CHD8: variants seen among roughly 807,000 people sequenced by gnomAD.
CHD8 encodes the protein chromodomain helicase DNA binding protein 8.
Under a neutral mutation model 279.2 loss-of-function variants are expected in CHD8, and 31 were observed. That is an observed-to-expected ratio of 0.11 (90% CI 0.08 to 0.15). The LOEUF is 0.15. CHD8 is among the 10% of genes least tolerant of loss of function. CHD8 has a pLI of 1.00. For synonymous variants in CHD8, 1,081 were observed against 1,139.6 expected, an observed-to-expected ratio of 0.95 and a Z score of 1.04; for missense variants, 2,146 against 3,230.5, an observed-to-expected ratio of 0.66 and a Z score of 8.14.
At chr14:21,436,714 G>C (rs1207952055) in intron 1 of CHD8, among the ~76,000 whole-genome samples, 1 of 152,184 alleles carries the variant, frequency 6.6e-6, no homozygotes, top group Non-Finnish European at 1.5e-5. Flanking sequence ...GTAAGACCTT[G>C]TGAATAAATC....
At chr14:21,414,166 A>T (rs1015834620) in intron 9 of CHD8, 135 bp downstream of exon 9, 1 of 607,974 alleles carries the variant, frequency 1.6e-6, no homozygotes, top group Non-Finnish European at 2.9e-6. Context: ...AAGGGAAGTC[A>T]ATGACCAAAA....
intron 1 of CHD8, among the ~76,000 whole-genome samples, chr14:21,433,167 C>T (rs568608384): frequency 1.3e-5 from 2 of 152,292 alleles, no homozygotes; most frequent in South Asian, 4.1e-4. Context: ...TACTTGCTCG[C>T]ATTATCTGGA....
chr14:21,410,061 G>T, intron 10 of CHD8, 73 bp from the exon 11 acceptor site: 2 of 1,425,768 alleles, frequency 1.4e-6, no homozygotes, highest in South Asian at 2.9e-5. Context: ...ATAAAAATTT[G>T]ATTGTAAAAT....
chr14:21,455,028 A>G (rs1175547432), intron 1 of CHD8: 2 of 152,252 alleles, frequency 1.3e-5, no homozygotes, highest in Non-Finnish European at 2.9e-5. Flanking sequence ...TGAGTCGACA[A>G]ACTCAGAAAA....
In CHD8 at chr14:21,430,942, A is replaced by G; in HGVS notation, c.702T>C (p.Ala234=). The change falls in exon 2 of 38, where the codon GCT becomes GCC. Residue 234 remains alanine (A), a synonymous_variant. Transcript: ENST00000646647. ...LAAKVPGNQA[A]VQRIVQPSRP... ...GGCTGGGCTGGACAATGCGCTGAAC[A>G]GCAGCCTGGTTCCCAGGGACCTTGG... The G allele has an allele frequency of 6.3e-7, 1 of 1,599,588 alleles. No individual in the cohort carries two copies. The highest frequency in any genetic ancestry group is 2.2e-5 in the East Asian group (1 of 44,884).
chr14:21,410,353 A>T (rs1888436025), intron 10 of CHD8, among the ~76,000 whole-genome samples: 1 of 152,190 alleles, frequency 6.6e-6, no homozygotes, highest in African/African-American at 2.4e-5. Context: ...CCTGGAGCCA[A>T]ATTTGACACA....
chr14:21,417,426 A>C (rs554481350), intron 5 of CHD8, among the ~76,000 whole-genome samples: 1 of 152,286 alleles, frequency 6.6e-6, no homozygotes, highest in East Asian at 1.9e-4. Context: ...CTACTAAAAA[A>C]GAGTGCAGGC....
chr14:21,395,608 A>G (rs1887747853), intron 28 of CHD8: 1 of 592,386 alleles, frequency 1.7e-6, no homozygotes, highest in Non-Finnish European at 3.0e-6. Context: ...AATATCTTTC[A>G]GTGTCCAGCT....
At chr14:21,449,540 T>C (rs1391483209) in intron 1 of CHD8, among the ~76,000 whole-genome samples, 1 of 152,200 alleles carries the variant, frequency 6.6e-6, no homozygotes, top group East Asian at 1.9e-4. Context: ...ACAATTAGAA[T>C]GGCAGGACTG....
Position 21,405,929 on chromosome 14 carries a change from A to C in CHD8, c.2908-65T>G. 1 of 1,319,378 alleles carries C rather than the reference A, an allele frequency of 7.6e-7. No homozygotes were observed. The highest frequency in any genetic ancestry group is 1.1e-6 in the Non-Finnish European group (1 of 951,272). 81.7% of individuals were successfully genotyped at this position (1,319,378 alleles called of 1,614,324 possible). A position where few individuals can be genotyped will look rare whatever the true frequency, so the allele number is the denominator to read the frequency against. ...TGAAGGACTTCTGGGGTTTCCTATC[A>C]AGTATATAATCTTTAACATATATAA... On this transcript the variant is annotated intron_variant, in intron 14 of 37. Transcript: ENST00000646647. The surrounding 1 kb of genome is among the most constrained non-coding windows in gnomAD (Gnocchi z 4.2).
At chr14:21,415,550 A>C in intron 7 of CHD8, 24 bp downstream of exon 7, 2 of 1,171,818 alleles carry the variant, frequency 1.7e-6, no homozygotes, top group Admixed American at 3.0e-5. Flanking sequence ...AATAAAAATA[A>C]TAATAATAAT....
At chr14:21,419,153 T>C (rs1345298133) in intron 5 of CHD8, among the ~76,000 whole-genome samples, 1 of 152,242 alleles carries the variant, frequency 6.6e-6, no homozygotes, top group African/African-American at 2.4e-5. Context: ...ACTTAATATA[T>C]TTCTGGATGA....
rs1219665819 is a variant in CHD8 at position 21,409,916 on chromosome 14, C to T, written c.2299G>A (p.Val767Ile). 1.9e-6 allele frequency: 3 copies of T among 1,613,834 alleles called. No homozygotes were observed. The highest frequency in any genetic ancestry group is 4.5e-5 in the East Asian group (2 of 44,880). Residue 767 changes from valine (V) to isoleucine (I), a missense_variant, in exon 11 of 38, where the codon GTT (valine) becomes ATT (isoleucine). This residue lies in a region of CHD8 where 211 missense variants were observed against 464.7 expected (regional missense o/e 0.45). Transcript: ENST00000646647. The stretch of plus-strand genomic sequence containing the variant: ...AATTCTCGAATCTTGCCCTCATCAA[C>T]ATCTTCTTTTAGCTCCCATGTGCTA... ...EDSTWELKED[V>I]DEGKIREFKR...
chr14:21,402,228 T>C lies in CHD8; in HGVS notation c.3883-92A>G. ...TTAGCTATTATATTTTAAGAAATAA[T>C]AATTGAGAATCCAAACAAGGTAGTC... is the stretch of plus-strand genomic sequence containing the variant. On this transcript the variant is annotated intron_variant, in intron 19 of 37. Transcript: ENST00000646647. This position sits in a 1 kb window ranked among gnomAD's most constrained non-coding sequence, Gnocchi z 4.5. The C allele has an allele frequency of 6.7e-7, 1 of 1,484,816 alleles. No individual in the cohort carries two copies. Among genetic ancestry groups the C allele is most frequent in the South Asian group, 1.2e-5 (1 of 83,712 alleles). 92.0% of individuals were successfully genotyped at this position (1,484,816 alleles called of 1,614,324 possible).
intron 1 of CHD8, among the ~76,000 whole-genome samples, chr14:21,440,299 C>G (rs113946439): frequency 6.6e-6 from 1 of 151,916 alleles, no homozygotes; most frequent in African/African-American, 2.4e-5. Context: ...CTCTGCCTCC[C>G]GGGTTCAAGT....
In CHD8 at chr14:21,408,673, C is replaced by T. The variant is rs1183117063; in HGVS notation, c.2486+31G>A. 1 of 1,600,172 alleles carries T rather than the reference C, an allele frequency of 6.2e-7. No individual in the cohort carries two copies. ...AAATAAAAATAATCCCAGAACTAAG[C>T]TTACATCTTATGGCCCATTCTTTCC... On this transcript the variant is annotated intron_variant, in intron 12 of 37. Coordinates refer to ENST00000646647, the MANE Select transcript of CHD8 (RefSeq NM_001170629.2). This position sits in a 1 kb window ranked among gnomAD's most constrained non-coding sequence, Gnocchi z 4.3.
At chr14:21,455,805 G>A (rs976728379) in intron 1 of CHD8, among the ~76,000 whole-genome samples, 1 of 151,868 alleles carries the variant, frequency 6.6e-6, no homozygotes, top group African/African-American at 2.4e-5. Context: ...TCGCGGCTCG[G>A]CCCGGCTCGG....
rs192383699 is a variant in CHD8 at position 21,455,842 on chromosome 14, C to T, written c.-216+190G>A. On this transcript the variant is annotated intron_variant, in intron 1 of 37. Transcript: ENST00000646647. ...CCCCGCGGCCCGGCAGCCACCCTCTCCCCCGGCCTCTCACAAAGGAGACTG... is the reference window on the plus strand; with the variant it reads ...CCCCGCGGCCCGGCAGCCACCCTCTTCCCCGGCCTCTCACAAAGGAGACTG... 2.7e-3 allele frequency among the ~76,000 whole-genome samples: 418 copies of T among 152,216 alleles called. 3 individuals are homozygous for T. The highest frequency in any genetic ancestry group is 9.3e-3 in the Admixed American group (142 of 15,298).
At chr14:21,454,977 A>T (rs1769343948) in intron 1 of CHD8, 1 of 152,178 alleles carries the variant, frequency 6.6e-6, no homozygotes, top group South Asian at 2.1e-4. Context: ...CCCACACCAG[A>T]TGACTTCAGC....
Sources: gnomAD v4.1 joint callset for allele counts (sites outside exome capture counted in the v4.1 genomes callset) on GRCh38, gnomAD v4.1.1 for gene constraint, gnomAD v4.1.1 regional missense constraint, Gnocchi (gnomAD v3.1) non-coding constraint, MANE v1.5 for transcripts, NCBI Gene and HGNC (gene_info 2026-07-23, HGNC 2026-07-21) for gene names.